CCSER1: variants seen among roughly 807,000 people sequenced by gnomAD.
CCSER1 encodes serine-rich coiled-coil domain-containing protein 1.
Under a neutral mutation model 82.0 loss-of-function variants are expected in CCSER1, and 41 were observed. The observed-to-expected ratio is 0.50, with a 90% CI of 0.39 to 0.65. The LOEUF (loss-of-function observed/expected upper bound fraction) is 0.65, where lower values mean the gene tolerates loss of function less well. CCSER1 is among the 30% of genes least tolerant of loss of function. The pLI is 0.00. For synonymous variants in CCSER1, 414 were observed against 383.9 expected, an observed-to-expected ratio of 1.08 and a Z score of -0.92; for missense variants, 1,119 against 1,064.2, an observed-to-expected ratio of 1.05 and a Z score of -0.72.
chr4:91,257,389 G>GA (rs371371854), intron 10 of CCSER1, among the ~76,000 whole-genome samples: 13 of 151,172 alleles, frequency 8.6e-5, no homozygotes, highest in African/African-American at 3.2e-4. Context: ...AACTCAACAT[G>GA]AAAAAATACA....
intron 10 of CCSER1, among the ~76,000 whole-genome samples, chr4:91,189,478 C>T (rs536227057): frequency 6.6e-6 from 1 of 152,226 alleles, no homozygotes; most frequent in South Asian, 2.1e-4. Context: ...CATTGTCTAA[C>T]CTGAATTTGG....
chr4:91,147,642 C>A (rs988762915), intron 10 of CCSER1, among the ~76,000 whole-genome samples: 2 of 152,172 alleles, frequency 1.3e-5, no homozygotes, highest in Non-Finnish European at 2.9e-5. Context: ...TTTCTGGCCC[C>A]TTAGGGTGGA....
chr4:90,330,497 C>G (rs2126284), intron 3 of CCSER1, among the ~76,000 whole-genome samples: 46,083 of 151,778 alleles, frequency 0.3, 7,138 homozygotes, highest in East Asian at 0.44. Flanking sequence ...AATAAAAGTA[C>G]ATAGAAAGTA....
rs1734962711 is a variant in CCSER1 at position 90,309,697 on chromosome 4, A to T, written c.1324+89A>T. On this transcript the variant is annotated intron_variant, in intron 2 of 10. Transcript: ENST00000509176. ...TTCTTATTCCATCTCATGAATGGAA[A>T]CCACATTTTTCTTGTTTTTCACTTT... 20 of 1,008,840 alleles carry T rather than the reference A, an allele frequency of 2.0e-5. No homozygotes were observed. The South Asian group carries it at 3.9e-4, about 20-fold the overall frequency. The allele number at this position is 1,008,840 out of a possible 1,614,324, so 62.5% of individuals were successfully genotyped here. A position where few individuals can be genotyped will look rare whatever the true frequency, so the allele number is the denominator to read the frequency against.
chr4:90,806,706 T>G (rs189573687), intron 7 of CCSER1, among the ~76,000 whole-genome samples: 1 of 152,038 alleles, frequency 6.6e-6, no homozygotes, highest in Non-Finnish European at 1.5e-5. Context: ...CCCCAACCAA[T>G]GAGTGAACAA....
chr4:90,409,650 CA>C (rs1216399892), intron 4 of CCSER1, among the ~76,000 whole-genome samples: 7 of 152,128 alleles, frequency 4.6e-5, no homozygotes, highest in African/African-American at 1.7e-4. Context: ...TGGAAAGGAA[CA>C]ACTGGTACCA....
In CCSER1 at chr4:90,309,411, A is replaced by T. The variant is rs372304488; in HGVS notation, c.1127A>T (p.Asn376Ile). 6.2e-7 allele frequency: 1 copy of T among 1,613,820 alleles called. No homozygotes were observed. The highest frequency in any genetic ancestry group is 1.7e-5 in the Admixed American group (1 of 59,984). The change falls in exon 2 of 11, where the codon AAT (asparagine) becomes ATT (isoleucine). Residue 376 changes from asparagine (N) to isoleucine (I), a missense_variant. Asn to Ile is a moderately radical substitution (Grantham distance 149). Coordinates refer to ENST00000509176, the MANE Select transcript of CCSER1 (RefSeq NM_001145065.2). ...CCAGCAGATAGTGAAAGAGAAGAAAATATAGGGTTACAAAATGGTGAAACA... is the reference window on the plus strand; with the variant it reads ...CCAGCAGATAGTGAAAGAGAAGAAATTATAGGGTTACAAAATGGTGAAACA... ...NLPADSEREE[N>I]IGLQNGETML...
chr4:91,164,767 A>G (rs1731847870), intron 10 of CCSER1, among the ~76,000 whole-genome samples: 1 of 151,930 alleles, frequency 6.6e-6, no homozygotes, highest in African/African-American at 2.4e-5. Flanking sequence ...TTGCGCCATG[A>G]TTTTCAGCTC....
At chr4:90,960,674 CT>C in intron 9 of CCSER1, among the ~76,000 whole-genome samples, 1 of 152,282 alleles carries the variant, frequency 6.6e-6, no homozygotes, top group African/African-American at 2.4e-5. Context: ...GAAAGCTACA[CT>C]TGCCTTCACC....
intron 5 of CCSER1, among the ~76,000 whole-genome samples, chr4:90,567,227 A>C (rs1779508520): frequency 6.6e-6 from 1 of 150,644 alleles, no homozygotes; most frequent in African/African-American, 2.4e-5. Context: ...TGTTTCTTCT[A>C]TAAACTTCCC....
chr4:90,473,121 TAA>T (rs1489653924), intron 5 of CCSER1, among the ~76,000 whole-genome samples: 1 of 152,158 alleles, frequency 6.6e-6, no homozygotes, highest in Non-Finnish European at 1.5e-5. Flanking sequence ...CAGTTCTATG[TAA>T]ATGAGCATTT....
intron 10 of CCSER1, among the ~76,000 whole-genome samples, chr4:91,148,334 G>A (rs562872351): frequency 3.3e-5 from 5 of 151,756 alleles, no homozygotes; most frequent in Non-Finnish European, 7.4e-5. Context: ...GATATACCAC[G>A]CAGAGTTTTC....
chr4:90,149,315 A>G (rs1306214639), intron 1 of CCSER1, among the ~76,000 whole-genome samples: 4 of 152,128 alleles, frequency 2.6e-5, no homozygotes, highest in Non-Finnish European at 4.4e-5. Context: ...CCCTATATAC[A>G]TGGAGGCTAA....
intron 9 of CCSER1, among the ~76,000 whole-genome samples, chr4:90,945,447 C>A (rs1361398350): frequency 1.3e-5 from 2 of 152,090 alleles, no homozygotes; most frequent in African/African-American, 4.8e-5. Flanking sequence ...TCTCAAAATA[C>A]TTCAGATGTT....
In CCSER1 at chr4:90,461,222, C is replaced by T. The variant is rs1433850046; in HGVS notation, c.1604-7012C>T. ...CTGGGACTACAGGCGCCCGCCACTA[C>T]GCCCGGCTAATTTTTTGTATTTTTA... On this transcript the variant is annotated intron_variant, in intron 4 of 10. Coordinates refer to ENST00000509176, the MANE Select transcript of CCSER1 (RefSeq NM_001145065.2). 2.9e-5 allele frequency among the ~76,000 whole-genome samples: 4 copies of T among 139,258 alleles called. 1 individual carries two copies. Among genetic ancestry groups the T allele is most frequent in the South Asian group, 4.5e-4 (2 of 4,492 alleles). 91.4% of individuals were successfully genotyped at this position (139,258 alleles called of 152,430 possible).
chr4:91,027,698 G>T (rs887274974), intron 9 of CCSER1, among the ~76,000 whole-genome samples: 8 of 152,024 alleles, frequency 5.3e-5, no homozygotes, highest in African/African-American at 1.9e-4. Flanking sequence ...AGCCACAGCT[G>T]GTGGATCAGG....
At chr4:90,230,497 T>A (rs1380152517) in intron 1 of CCSER1, among the ~76,000 whole-genome samples, 1 of 151,890 alleles carries the variant, frequency 6.6e-6, no homozygotes, top group Non-Finnish European at 1.5e-5. Context: ...TTTATAGCAC[T>A]AAATGCCCAC....
chr4:91,441,389 A>T (rs1411040165), intron 10 of CCSER1, among the ~76,000 whole-genome samples: 1 of 150,776 alleles, frequency 6.6e-6, no homozygotes, highest in Non-Finnish European at 1.5e-5. Flanking sequence ...ATCTCAATAG[A>T]TGCAGAAAAG....
In CCSER1 at chr4:90,395,788, T is replaced by C. The variant is rs145127484; in HGVS notation, c.1510-4248T>C. Among the ~76,000 whole-genome samples, 641 of 152,064 alleles carry C rather than the reference T, an allele frequency of 4.2e-3. 6 individuals carry two copies. The highest frequency in any genetic ancestry group is 0.015 in the African/African-American group (620 of 41,480). On this transcript the variant is annotated intron_variant, in intron 3 of 10. Coordinates refer to ENST00000509176, the MANE Select transcript of CCSER1 (RefSeq NM_001145065.2). Reference sequence around the variant, plus strand: ...TTTAACACTTTTCTTGTTCCTGCTATGTTAACATTATTAAAACCTTCATGC... The same window carrying C: ...TTTAACACTTTTCTTGTTCCTGCTACGTTAACATTATTAAAACCTTCATGC...
Sources: gnomAD v4.1 joint callset for allele counts (sites outside exome capture counted in the v4.1 genomes callset) on GRCh38, gnomAD v4.1.1 for gene constraint, MANE v1.5 for transcripts, NCBI Gene and HGNC (gene_info 2026-07-23, HGNC 2026-07-21) for gene names.